The following CNTNAP2 variants were observed in gnomAD, a reference collection of about 807,000 sequenced individuals.
The protein encoded by CNTNAP2 is contactin associated protein 2.
CNTNAP2 carries 98 observed loss-of-function variants against 155.2 expected under a neutral mutation model. The ratio of observed to expected loss-of-function variants is 0.63; its 90% CI spans 0.54 to 0.75. The LOEUF is 0.75. Ranked by LOEUF, CNTNAP2 falls within the 30% of genes least tolerant of loss-of-function variation. The pLI, the probability that CNTNAP2 is intolerant of heterozygous loss-of-function variation, is 0.00. For missense variants in CNTNAP2, 1,727 were observed against 1,688.1 expected (o/e 1.02, Z -0.40); for synonymous variants, 651 against 631.2 (o/e 1.03, Z -0.47).
intron 1 of CNTNAP2, among the ~76,000 whole-genome samples, chr7:146,672,546 G>A (rs751958845): frequency 1.3e-5 from 2 of 152,076 alleles, no homozygotes; most frequent in South Asian, 4.1e-4. Context: ...GGAGAAACAC[G>A]GCAAAGTCAC....
At chr7:146,719,421 G>A (rs1269307233) in intron 1 of CNTNAP2, among the ~76,000 whole-genome samples, 1 of 152,132 alleles carries the variant, frequency 6.6e-6, no homozygotes, top group Non-Finnish European at 1.5e-5. Flanking sequence ...ACAATGTTTT[G>A]CCTAATTTTT....
At chr7:146,489,883 T>TAAAAAA (rs1409925980) in intron 1 of CNTNAP2, among the ~76,000 whole-genome samples, 1 of 152,096 alleles carries the variant, frequency 6.6e-6, no homozygotes, top group Non-Finnish European at 1.5e-5. Flanking sequence ...GTGTGCTGAC[T>TAAAAAA]GGTTTGAGTA....
chr7:148,242,692 C>T (rs555614504), intron 20 of CNTNAP2, among the ~76,000 whole-genome samples: 24 of 152,342 alleles, frequency 1.6e-4, no homozygotes, highest in African/African-American at 5.5e-4. Context: ...TACGCTTTCA[C>T]ATCTCACTGC....
intron 12 of CNTNAP2, among the ~76,000 whole-genome samples, chr7:147,590,179 T>C (rs1800710431): frequency 6.6e-6 from 1 of 152,224 alleles, no homozygotes; most frequent in Non-Finnish European, 1.5e-5. Flanking sequence ...GATTACTTTT[T>C]CTTTCCTCAT....
At chr7:147,052,837 CAT>C (rs1196975225) in intron 4 of CNTNAP2, among the ~76,000 whole-genome samples, 3 of 151,908 alleles carry the variant, frequency 2.0e-5, no homozygotes, top group African/African-American at 4.8e-5. Flanking sequence ...TTAAAATTGT[CAT>C]GTGCTGTATG....
chr7:148,331,366 AGG>A (rs1798005942), intron 21 of CNTNAP2, among the ~76,000 whole-genome samples: 1 of 110,086 alleles, frequency 9.1e-6, no homozygotes, highest in Non-Finnish European at 1.8e-5. Flanking sequence ...GATGGAGTGG[AGG>A]GATGGAGTGG....
intron 15 of CNTNAP2, among the ~76,000 whole-genome samples, chr7:148,099,296 T>C (rs899371365): frequency 6.6e-6 from 1 of 152,182 alleles, no homozygotes; most frequent in Non-Finnish European, 1.5e-5. Flanking sequence ...AATAATGCCA[T>C]TATCATAGAT....
intron 3 of CNTNAP2, among the ~76,000 whole-genome samples, chr7:146,991,609 G>T (rs986028368): frequency 6.6e-6 from 1 of 152,108 alleles, no homozygotes; most frequent in Admixed American, 6.5e-5. Flanking sequence ...TATAGGAGTG[G>T]ATTTACAAAT....
At chr7:147,226,059 G>A (rs1803536683) in intron 8 of CNTNAP2, among the ~76,000 whole-genome samples, 1 of 152,130 alleles carries the variant, frequency 6.6e-6, no homozygotes, top group Non-Finnish European at 1.5e-5. Flanking sequence ...AACAGAATGG[G>A]CACACAAGGA....
At chr7:148,248,136 C>T (rs1441495130) in intron 20 of CNTNAP2, among the ~76,000 whole-genome samples, 1 of 152,018 alleles carries the variant, frequency 6.6e-6, no homozygotes, top group East Asian at 1.9e-4. Context: ...CCCACCATTG[C>T]CCCCAAGCAT....
At position 148,415,617 on chromosome 7, in the gene CNTNAP2, G is replaced by C; in HGVS notation, c.*1G>C. The C allele has an allele frequency of 6.2e-7, 1 of 1,614,170 alleles. No individual in the cohort carries two copies. Among genetic ancestry groups the C allele is most frequent in the South Asian group, 1.1e-5 (1 of 91,090 alleles). ...AAGCAAAAAGGAATGGCTCATTTGA[G>C]GGGTGGCTACTTGGCTATGGGATAG... is the stretch of plus-strand genomic sequence containing the variant. On this transcript the variant is annotated 3_prime_UTR_variant, in exon 24 of 24. Transcript: ENST00000361727.
At chr7:146,126,660 T>TA (rs1797642367) in intron 1 of CNTNAP2, among the ~76,000 whole-genome samples, 1 of 152,236 alleles carries the variant, frequency 6.6e-6, no homozygotes, top group South Asian at 2.1e-4. Context: ...TGATTGCTAT[T>TA]ACTAAAGTTA....
chr7:146,654,814 G>A (rs1799969491), intron 1 of CNTNAP2, among the ~76,000 whole-genome samples: 1 of 152,014 alleles, frequency 6.6e-6, no homozygotes, highest in African/African-American at 2.4e-5. Context: ...TTTTTCATGA[G>A]TTCTGAAGTA....
intron 15 of CNTNAP2, among the ~76,000 whole-genome samples, chr7:147,997,785 A>G (rs1801831722): frequency 6.6e-6 from 1 of 152,138 alleles, no homozygotes; most frequent in Non-Finnish European, 1.5e-5. Context: ...AGGTGAAAAG[A>G]GGTGTTACCA....
At chr7:146,220,440 G>A (rs953830006) in intron 1 of CNTNAP2, among the ~76,000 whole-genome samples, 1 of 152,180 alleles carries the variant, frequency 6.6e-6, no homozygotes, top group Non-Finnish European at 1.5e-5. Context: ...GATTTGGGTA[G>A]ACCAGGTTCA....
At chr7:147,203,215 T>C (rs1802956357) in intron 8 of CNTNAP2, among the ~76,000 whole-genome samples, 1 of 152,136 alleles carries the variant, frequency 6.6e-6, no homozygotes, top group Non-Finnish European at 1.5e-5. Flanking sequence ...TTTTTGTAAC[T>C]GAGGGGGGAA....
chr7:146,474,503 T>G (rs1174129152), intron 1 of CNTNAP2, among the ~76,000 whole-genome samples: 1 of 151,572 alleles, frequency 6.6e-6, no homozygotes, highest in Non-Finnish European at 1.5e-5. Flanking sequence ...GTTCTTCACA[T>G]GATTTGAGCT....
chr7:147,041,755 T>G (rs1799263075), intron 3 of CNTNAP2, among the ~76,000 whole-genome samples: 1 of 152,246 alleles, frequency 6.6e-6, no homozygotes, highest in African/African-American at 2.4e-5. Flanking sequence ...TTGTTGTTTT[T>G]CTAAATATTG....
At chr7:146,255,935 C>T (rs1799829925) in intron 1 of CNTNAP2, among the ~76,000 whole-genome samples, 1 of 152,186 alleles carries the variant, frequency 6.6e-6, no homozygotes, top group Admixed American at 6.5e-5. Context: ...TTTATGTCTT[C>T]CTCCCTTCTA....
Sources: allele counts gnomAD v4.1 joint callset (sites outside exome capture counted in the v4.1 genomes callset), GRCh38; gene constraint gnomAD v4.1.1; transcripts MANE v1.5; gene names NCBI Gene and HGNC (gene_info 2026-07-23, HGNC 2026-07-21).